The following SORCS1 variants were observed in gnomAD, a reference collection of about 807,000 sequenced individuals.
SORCS1 encodes the protein sortilin related VPS10 domain containing receptor 1.
Under a neutral mutation model 146.1 loss-of-function variants are expected in SORCS1, and 60 were observed. The observed-to-expected ratio is 0.41, with a 90% CI of 0.33 to 0.51. The LOEUF is 0.51. Among genes scored for constraint, SORCS1 ranks in the 20% least tolerant of loss-of-function variants. SORCS1 has a pLI of 0.21. For synonymous variants in SORCS1, 637 were observed against 584.0 expected (o/e 1.09, Z -1.31); for missense variants, 1,352 against 1,487.6 (o/e 0.91, Z 1.50).
chr10:106,601,463 A>G lies in SORCS1; in HGVS notation c.3166-4013T>C, dbSNP rs575001597. Among the ~76,000 whole-genome samples, 16 of 152,326 alleles carry G rather than the reference A, an allele frequency of 1.1e-4. No individual in the cohort carries two copies. In the South Asian group the frequency reaches 3.1e-3, roughly 30 times the overall value. On this transcript the variant is annotated intron_variant, in intron 23 of 25. Transcript: ENST00000263054. ...TTCAAGTGCAACCTACATTTCATTT[A>G]AAGTCCCACTTAAAAGGACAGTGGA...
chr10:107,081,670 C>A (rs972813115), intron 1 of SORCS1, among the ~76,000 whole-genome samples: 8 of 151,624 alleles, frequency 5.3e-5, no homozygotes, highest in African/African-American at 1.7e-4. Context: ...AGTAAATATA[C>A]AAAGACACAA....
intron 19 of SORCS1, among the ~76,000 whole-genome samples, chr10:106,625,325 A>G (rs1848036780): frequency 6.6e-6 from 1 of 151,968 alleles, no homozygotes; most frequent in African/African-American, 2.4e-5. Flanking sequence ...CACATATCAT[A>G]TTGCTATTTG....
chr10:107,011,719 TCTC>T (rs540100287), intron 1 of SORCS1, among the ~76,000 whole-genome samples: 2 of 152,266 alleles, frequency 1.3e-5, no homozygotes, highest in African/African-American at 4.8e-5. Flanking sequence ...TCCTTACAAT[TCTC>T]CTACTTATTT....
intron 2 of SORCS1, among the ~76,000 whole-genome samples, chr10:106,938,000 G>A (rs12259969): frequency 0.091 from 13,681 of 149,908 alleles, 1,592 homozygotes; most frequent in African/African-American, 0.27. Context: ...AGAAAGAAAG[G>A]AAGTGGTCTA....
intron 6 of SORCS1, among the ~76,000 whole-genome samples, chr10:106,719,522 C>T (rs1310608083): frequency 6.6e-6 from 1 of 151,902 alleles, no homozygotes; most frequent in Non-Finnish European, 1.5e-5. Flanking sequence ...AAGCGATTCT[C>T]CTGCCTCAGC....
intron 18 of SORCS1, among the ~76,000 whole-genome samples, chr10:106,635,257 C>T (rs1005722927): frequency 6.6e-6 from 1 of 152,138 alleles, no homozygotes; most frequent in African/African-American, 2.4e-5. Context: ...GCATCAGAGA[C>T]CCATTGCAGA....
At position 106,826,745 on chromosome 10, in the gene SORCS1, C is replaced by A. The variant is rs538978273; in HGVS notation, c.726+2829G>T. On this transcript the variant is annotated intron_variant, in intron 3 of 25. Coordinates refer to ENST00000263054, the MANE Select transcript of SORCS1 (RefSeq NM_052918.5). ...GCATCTCAGAAAGTGACCATGAAGG[C>A]CTCATTTATCTATAGAGGAAAAGAT... Among the ~76,000 whole-genome samples, 159 of 152,224 alleles carry A rather than the reference C, an allele frequency of 1.0e-3. No homozygotes were observed. The Middle Eastern group carries it at 0.014, about 13-fold the overall frequency.
chr10:107,154,625 A>G (rs11815967), intron 1 of SORCS1, among the ~76,000 whole-genome samples: 14,768 of 152,234 alleles, frequency 0.097, 772 homozygotes, highest in African/African-American at 0.14. Flanking sequence ...TGCTAAGAAG[A>G]TTAGGACAGT....
chr10:107,094,417 AT>A (rs1181823048), intron 1 of SORCS1, among the ~76,000 whole-genome samples: 7 of 152,284 alleles, frequency 4.6e-5, no homozygotes, highest in Non-Finnish European at 8.8e-5. Flanking sequence ...CTGAAATCAT[AT>A]TTCTGTTTCA....
At chr10:106,709,488 G>A (rs1457882540) in intron 6 of SORCS1, 147 bp from the exon 7 acceptor site, 11 of 416,972 alleles carry the variant, frequency 2.6e-5, no homozygotes, top group East Asian at 4.9e-5. Context: ...TCGCTCTGTC[G>A]CCCAGGCTGG....
At chr10:106,688,968 A>G (rs562730616) in intron 9 of SORCS1, among the ~76,000 whole-genome samples, 1 of 152,296 alleles carries the variant, frequency 6.6e-6, no homozygotes, top group South Asian at 2.1e-4. Flanking sequence ...CTCCTGAACC[A>G]ATTACTGTTG....
chr10:106,629,784 G>A (rs1175255419), intron 18 of SORCS1, among the ~76,000 whole-genome samples: 1 of 152,192 alleles, frequency 6.6e-6, no homozygotes, highest in Non-Finnish European at 1.5e-5. Flanking sequence ...AGTGGCTCAT[G>A]CCTGTAATCC....
At chr10:106,957,218 T>C (rs1367162372) in intron 1 of SORCS1, among the ~76,000 whole-genome samples, 2 of 146,754 alleles carry the variant, frequency 1.4e-5, no homozygotes, top group Non-Finnish European at 3.0e-5. Context: ...GTGTTGCCCA[T>C]ACTGGAGTGC....
intron 7 of SORCS1, among the ~76,000 whole-genome samples, chr10:106,706,915 G>T (rs534040792): frequency 1.3e-5 from 2 of 152,238 alleles, no homozygotes; most frequent in South Asian, 4.2e-4. Context: ...TTTTTCAAAT[G>T]GGGTACATTG....
intron 1 of SORCS1, among the ~76,000 whole-genome samples, chr10:107,086,049 G>C (rs1963734780): frequency 6.6e-6 from 1 of 152,214 alleles, no homozygotes; most frequent in Non-Finnish European, 1.5e-5. Flanking sequence ...TCAAAATAAG[G>C]ATTTTCAAAG....
rs1955150815 is a variant in SORCS1 at position 106,960,110 on chromosome 10, T to C, written c.559-3530A>G. On this transcript the variant is annotated intron_variant, in intron 1 of 25. Transcript: ENST00000263054. The surrounding 1 kb of genome is among the most constrained non-coding windows in gnomAD (Gnocchi z 4.4). Reference sequence around the variant, plus strand: ...CCTGATTCAAAACAAGTGGTCACAATATGGTACTAGCTTTTTAAGGTTCCT... The same window carrying C: ...CCTGATTCAAAACAAGTGGTCACAACATGGTACTAGCTTTTTAAGGTTCCT... 6.6e-6 allele frequency among the ~76,000 whole-genome samples: 1 copy of C among 152,232 alleles called. No individual in the cohort carries two copies. Among genetic ancestry groups the C allele is most frequent in the African/African-American group, 2.4e-5 (1 of 41,470 alleles).
intron 24 of SORCS1, among the ~76,000 whole-genome samples, chr10:106,582,654 C>T (rs1223159392): frequency 6.6e-6 from 1 of 152,134 alleles, no homozygotes; most frequent in Non-Finnish European, 1.5e-5. Flanking sequence ...CCAGTTGCAG[C>T]TTAAACAAGG....
At chr10:107,109,213 G>C (rs1400507480) in intron 1 of SORCS1, among the ~76,000 whole-genome samples, 1 of 152,232 alleles carries the variant, frequency 6.6e-6, no homozygotes, top group East Asian at 1.9e-4. Flanking sequence ...GCCACAGTGA[G>C]GACTCCGTGG....
At chr10:107,066,046 C>T (rs1418312746) in intron 1 of SORCS1, among the ~76,000 whole-genome samples, 1 of 152,162 alleles carries the variant, frequency 6.6e-6, no homozygotes, top group African/African-American at 2.4e-5. Flanking sequence ...AGTAAGCACT[C>T]AGTCTCTACA....
Sources: gnomAD v4.1 joint callset for allele counts (sites outside exome capture counted in the v4.1 genomes callset) on GRCh38, gnomAD v4.1.1 for gene constraint, Gnocchi (gnomAD v3.1) non-coding constraint, MANE v1.5 for transcripts, NCBI Gene and HGNC (gene_info 2026-07-23, HGNC 2026-07-21) for gene names.